The following EHBP1 variants were observed in gnomAD, a reference collection of about 807,000 sequenced individuals.
EHBP1 encodes the protein EH domain-binding protein 1.
Under a neutral mutation model 144.0 loss-of-function variants are expected in EHBP1, and 55 were observed. The observed-to-expected ratio is 0.38, with a 90% CI of 0.31 to 0.48. The LOEUF (loss-of-function observed/expected upper bound fraction) is 0.48, where lower values mean the gene tolerates loss of function less well. Among genes scored for constraint, EHBP1 ranks in the 20% least tolerant of loss-of-function variants. The probability of loss-of-function intolerance (pLI) is 0.98; values close to 1 mark genes in which losing one functional copy is unlikely to be tolerated. For synonymous variants in EHBP1, 469 were observed against 472.7 expected (o/e 0.99, Z 0.10); for missense variants, 1,200 against 1,364.2 (o/e 0.88, Z 1.90).
At chr2:62,890,188 G>A (rs1228777679) in intron 10 of EHBP1, among the ~76,000 whole-genome samples, 3 of 151,992 alleles carry the variant, frequency 2.0e-5, no homozygotes, top group East Asian at 3.9e-4. Flanking sequence ...TGCCCACCTC[G>A]GCCTCCCAAA....
chr2:62,695,932 C>T (rs1291444824), intron 1 of EHBP1, among the ~76,000 whole-genome samples: 1 of 151,844 alleles, frequency 6.6e-6, no homozygotes, highest in East Asian at 1.9e-4. Flanking sequence ...AGGCTGGTCT[C>T]AAACTCCTGA....
intron 7 of EHBP1, among the ~76,000 whole-genome samples, chr2:62,858,799 A>G (rs998933513): frequency 6.6e-6 from 1 of 152,168 alleles, no homozygotes; most frequent in Non-Finnish European, 1.5e-5. Flanking sequence ...TTATAAATAT[A>G]TTGTTTTTAG....
intron 5 of EHBP1, among the ~76,000 whole-genome samples, chr2:62,795,099 A>G (rs935019948): frequency 6.6e-6 from 1 of 151,398 alleles, no homozygotes; most frequent in Non-Finnish European, 1.5e-5. Context: ...TTAGCAAAAG[A>G]AAAAAAAAGG....
intron 10 of EHBP1, among the ~76,000 whole-genome samples, chr2:62,935,528 T>C (rs558925733): frequency 1.3e-5 from 2 of 152,072 alleles, no homozygotes; most frequent in African/African-American, 4.8e-5. Context: ...TTTATAGGAA[T>C]ACAGTTGGTT....
chr2:62,715,154 A>C (rs1285126210), intron 2 of EHBP1, among the ~76,000 whole-genome samples: 1 of 152,016 alleles, frequency 6.6e-6, no homozygotes, highest in Non-Finnish European at 1.5e-5. Context: ...TTGCTCTGTC[A>C]CCCAGGCTGG....
chr2:62,928,282 C>T (rs980631449), intron 10 of EHBP1, among the ~76,000 whole-genome samples: 4 of 152,212 alleles, frequency 2.6e-5, no homozygotes, highest in Admixed American at 2.6e-4. Flanking sequence ...TGTGCTAACC[C>T]GATGGCCTAG....
intron 2 of EHBP1, among the ~76,000 whole-genome samples, chr2:62,745,602 G>A (rs2039081021): frequency 6.6e-6 from 1 of 152,002 alleles, no homozygotes; most frequent in Non-Finnish European, 1.5e-5. Flanking sequence ...TGAGATATTT[G>A]CAGGTTATAC....
chr2:62,828,760 G>C (rs2046537895), intron 6 of EHBP1, among the ~76,000 whole-genome samples: 1 of 152,122 alleles, frequency 6.6e-6, no homozygotes, highest in African/African-American at 2.4e-5. Context: ...TATCTGATTT[G>C]CAAACTGTCT....
Position 62,720,160 on chromosome 2 carries a change from T to C in EHBP1, c.104+12865T>C, listed in dbSNP as rs149088622. On this transcript the variant is annotated intron_variant, in intron 2 of 22. Transcript: ENST00000431489. ...CTTAAGTTGTTTGGACCTGACTACT[T>C]AATAAACAAAATGGTTAGGTATTTC... Among the ~76,000 whole-genome samples the C allele has an allele frequency of 4.7e-4, 71 of 152,292 alleles. 1 individual carries two copies. The highest frequency in any genetic ancestry group is 1.5e-3 in the African/African-American group (63 of 41,560).
At chr2:62,929,102 CA>C (rs1317777966) in intron 10 of EHBP1, among the ~76,000 whole-genome samples, 3 of 152,014 alleles carry the variant, frequency 2.0e-5, no homozygotes, top group Non-Finnish European at 2.9e-5. Context: ...AAAAATCTCC[CA>C]AAAAAGAAAA....
rs377230407 is a variant in EHBP1, at chr2:62,980,901, TA to T, written c.2608+1576del. Among the ~76,000 whole-genome samples the T allele has an allele frequency of 3.0e-4, 44 of 144,806 alleles. 1 individual carries two copies. The highest frequency in any genetic ancestry group is 4.7e-4 in the Non-Finnish European group (31 of 65,998). 95.0% of individuals were successfully genotyped at this position (144,806 alleles called of 152,430 possible). On this transcript the variant is annotated intron_variant, in intron 15 of 22. Transcript: ENST00000431489. ...TTGCCTTCAACCAACTCACGCCCAC[TA>T]AAAAAAAAATTTTTTTTAATTAACC...
In EHBP1 at chr2:62,907,356, T is replaced by C. The variant is rs544657638; in HGVS notation, c.1185+32824T>C. On this transcript the variant is annotated intron_variant, in intron 10 of 22. Coordinates refer to ENST00000431489, the MANE Select transcript of EHBP1 (RefSeq NM_001142616.3). The stretch of plus-strand genomic sequence containing the variant: ...TGATAGGTGTGTGGTGATATCTCAC[T>C]GTTGCTTTAGTATGTTTTTCCCTAA... Among the ~76,000 whole-genome samples the C allele has an allele frequency of 2.0e-5, 3 of 152,374 alleles. No individual in the cohort carries two copies. In the East Asian group the frequency reaches 5.8e-4, roughly 29 times the overall value.
At chr2:62,747,264 T>G (rs2039246641) in intron 2 of EHBP1, 131 bp from the exon 3 acceptor site, 1 of 677,394 alleles carries the variant, frequency 1.5e-6, no homozygotes, top group African/African-American at 1.8e-5. Context: ...CTATATTTGA[T>G]AGAGCTTTAT....
chr2:62,823,015 C>G (rs937985488), intron 5 of EHBP1, among the ~76,000 whole-genome samples: 1 of 151,988 alleles, frequency 6.6e-6, no homozygotes, highest in African/African-American at 2.4e-5. Context: ...TTTAGATTAA[C>G]TGAATCAGAA....
chr2:62,970,512 G>GTT (rs2058450789), intron 14 of EHBP1, among the ~76,000 whole-genome samples: 1 of 152,032 alleles, frequency 6.6e-6, no homozygotes, highest in Non-Finnish European at 1.5e-5. Context: ...TTTTGTTAAG[G>GTT]CTTATTTCAT....
rs1200880201 is a variant in EHBP1, at chr2:62,942,834, T to C, written c.1302T>C (p.Thr434=). The part of the protein sequence containing the change: ...NYRGVKITNF[T]TSWRNGLSFC... ...GAGGAGTAAAAATCACCAATTTTAC[T>C]ACATCGTGGAGAAATGGTTTATCTT... The change falls in exon 11 of 23, where the codon ACT becomes ACC. Residue 434 remains threonine (T), a synonymous_variant. Coordinates refer to ENST00000431489, the MANE Select transcript of EHBP1 (RefSeq NM_001142616.3). 6.2e-7 allele frequency: 1 copy of C among 1,613,798 alleles called. No individual in the cohort carries two copies. Among genetic ancestry groups the C allele is most frequent in the Non-Finnish European group, 8.5e-7 (1 of 1,179,828 alleles).
chr2:62,828,397 A>C (rs1443347985), intron 6 of EHBP1, among the ~76,000 whole-genome samples: 1 of 152,244 alleles, frequency 6.6e-6, no homozygotes. Flanking sequence ...TACTTAATGT[A>C]AACTTTATAA....
chr2:62,975,408 A>G (rs2058666631), intron 14 of EHBP1, among the ~76,000 whole-genome samples: 1 of 152,228 alleles, frequency 6.6e-6, no homozygotes, highest in South Asian at 2.1e-4. Flanking sequence ...GCAGAAGAGC[A>G]TGTGGGATGA....
intron 3 of EHBP1, among the ~76,000 whole-genome samples, chr2:62,751,521 C>G (rs2039718363): frequency 6.6e-6 from 1 of 152,174 alleles, no homozygotes; most frequent in Non-Finnish European, 1.5e-5. Flanking sequence ...GGAGGATTTC[C>G]TCTTTTTCTA....
Sources: allele counts gnomAD v4.1 joint callset (sites outside exome capture counted in the v4.1 genomes callset), GRCh38; gene constraint gnomAD v4.1.1; transcripts MANE v1.5; gene names NCBI Gene and HGNC (gene_info 2026-07-23, HGNC 2026-07-21).